SREK1IP1: variants seen among roughly 807,000 people sequenced by gnomAD.
SREK1IP1 encodes protein SREK1IP1.
A neutral mutation model predicts 22.8 loss-of-function variants in SREK1IP1; 12 were observed. The observed-to-expected ratio is 0.53, with a 90% CI of 0.34 to 0.85. The LOEUF (loss-of-function observed/expected upper bound fraction) is 0.85, where lower values mean the gene tolerates loss of function less well. Ranked by LOEUF, SREK1IP1 falls within the 40% of genes least tolerant of loss-of-function variation. The pLI is 0.02. For missense variants in SREK1IP1, 147 were observed against 171.8 expected (o/e 0.86, Z 0.81); for synonymous variants, 53 against 52.7 (o/e 1.01, Z -0.02).
intron 3 of SREK1IP1, among the ~76,000 whole-genome samples, chr5:64,739,117 T>C (rs925925191): frequency 1.3e-5 from 2 of 152,166 alleles, no homozygotes; most frequent in African/African-American, 4.8e-5. Context: ...TATTTTTAGC[T>C]CTGTGTTTGG....
At chr5:64,729,456 G>A (rs750674279) in intron 3 of SREK1IP1, among the ~76,000 whole-genome samples, 4 of 152,156 alleles carry the variant, frequency 2.6e-5, no homozygotes, top group African/African-American at 7.2e-5. Flanking sequence ...GAATAAGAAT[G>A]AACATGAATG....
At chr5:64,748,934 C>T (rs907198349) in intron 2 of SREK1IP1, among the ~76,000 whole-genome samples, 4 of 151,912 alleles carry the variant, frequency 2.6e-5, no homozygotes, top group Non-Finnish European at 5.9e-5. Flanking sequence ...ATCTTTCATG[C>T]AGTTAGTACA....
Position 64,719,177 on chromosome 5 carries a change from T to G in SREK1IP1, c.*5207A>C, listed in dbSNP as rs1742114469. On this transcript the variant is annotated 3_prime_UTR_variant, in exon 5 of 5. Coordinates refer to ENST00000513458, the MANE Select transcript of SREK1IP1 (RefSeq NM_173829.4). ...ACATGTGGCTACTGAACACTTAAGA[T>G]GTGGCTAATGCAACTGAAAAAATAA... 1 of 152,190 alleles carries G rather than the reference T, an allele frequency of 6.6e-6. No homozygotes were observed. Among genetic ancestry groups the G allele is most frequent in the Non-Finnish European group, 1.5e-5 (1 of 68,032 alleles). The allele number at this position is 152,190 out of a possible 1,614,324, so 9.4% of individuals were successfully genotyped here. A position where few individuals can be genotyped will look rare whatever the true frequency, so the allele number is the denominator to read the frequency against.
intron 1 of SREK1IP1, 87 bp downstream of exon 1, chr5:64,768,418 G>A (rs781409859): frequency 1.3e-6 from 2 of 1,571,088 alleles, no homozygotes; most frequent in African/African-American, 2.7e-5. Context: ...CCCCATGGGC[G>A]CTGCTCCGTA....
chr5:64,727,553 A>ATATATTTTTT, intron 4 of SREK1IP1: 1 of 84,716 alleles, frequency 1.2e-5, no homozygotes. Flanking sequence ...ATATATATAT[A>ATATATTTTTT]TTTTTTTTTT....
At chr5:64,726,295 G>A (rs1204939727) in intron 4 of SREK1IP1, among the ~76,000 whole-genome samples, 1 of 151,804 alleles carries the variant, frequency 6.6e-6, no homozygotes, top group Non-Finnish European at 1.5e-5. Context: ...TCAAGGTAAA[G>A]AGGCCCAAAT....
At chr5:64,750,753 A>G (rs937910298) in intron 2 of SREK1IP1, among the ~76,000 whole-genome samples, 13 of 152,148 alleles carry the variant, frequency 8.5e-5, no homozygotes, top group Non-Finnish European at 1.5e-4. Context: ...GAAAACATCT[A>G]TATCTATTCT....
chr5:64,757,137 T>C (rs1204690526), intron 1 of SREK1IP1, among the ~76,000 whole-genome samples: 4 of 152,246 alleles, frequency 2.6e-5, no homozygotes, highest in African/African-American at 7.2e-5. Flanking sequence ...AGGTGGGGCA[T>C]CATGGCGTAC....
intron 2 of SREK1IP1, among the ~76,000 whole-genome samples, chr5:64,742,012 C>T (rs11738362): frequency 0.06 from 9,076 of 150,108 alleles, 538 homozygotes; most frequent in East Asian, 0.31. Context: ...TCCTCTGAAG[C>T]AACTGCACTG....
At chr5:64,768,420 T>G (rs1743103024) in intron 1 of SREK1IP1, 85 bp downstream of exon 1, 1 of 1,576,744 alleles carries the variant, frequency 6.3e-7, no homozygotes, top group African/African-American at 1.3e-5. Flanking sequence ...CCATGGGCGC[T>G]GCTCCGTACA....
chr5:64,768,441 T>A, intron 1 of SREK1IP1, 64 bp downstream of exon 1: 5 of 1,559,554 alleles, frequency 3.2e-6, no homozygotes, highest in Non-Finnish European at 4.4e-6. Context: ...CGCCGCACCC[T>A]ACCCTACCCT....
At chr5:64,736,915 C>CTTTTTTTTTTTTTTTTTTTTT (rs563372606) in intron 3 of SREK1IP1, among the ~76,000 whole-genome samples, 2 of 131,308 alleles carry the variant, frequency 1.5e-5, no homozygotes, top group Non-Finnish European at 3.3e-5. Context: ...TGTCTCTCTT[C>CTTTTTTTTTTTTTTTTTTTTT]TTTTTTTTTT....
intron 1 of SREK1IP1, among the ~76,000 whole-genome samples, chr5:64,760,365 C>T (rs1742926258): frequency 6.6e-6 from 1 of 152,204 alleles, no homozygotes; most frequent in African/African-American, 2.4e-5. Flanking sequence ...CCAGAAAGAA[C>T]AGACAATAAC....
intron 2 of SREK1IP1, among the ~76,000 whole-genome samples, chr5:64,748,714 A>G (rs1054388840): frequency 6.6e-6 from 1 of 151,984 alleles, no homozygotes. Context: ...AATTTACACA[A>G]CTCTATGGGA....
intron 1 of SREK1IP1, 86 bp from the exon 2 acceptor site, chr5:64,754,448 A>G: frequency 7.5e-7 from 1 of 1,339,354 alleles, no homozygotes; most frequent in Non-Finnish European, 1.1e-6. Flanking sequence ...GCTAAGAAAA[A>G]CCATTTGTTA....
chr5:64,750,955 A>G (rs1382283367), intron 2 of SREK1IP1, among the ~76,000 whole-genome samples: 2 of 152,182 alleles, frequency 1.3e-5, no homozygotes, highest in Non-Finnish European at 2.9e-5. Flanking sequence ...TCCAGAAATT[A>G]CTCAATGTTT....
rs1184856824 is a variant in SREK1IP1, at chr5:64,724,544, T to C, written c.308A>G (p.Asp103Gly). Reference protein sequence around the residue: ...RSYSSSSTEEDTSKQKKQKYQ... With the variant: ...RSYSSSSTEEGTSKQKKQKYQ... ...TTTTTGTTTCTTTTGTTTTGAAGTG[T>C]CCTCTTCAGTGGAACTGGATGAGTA... Residue 103 changes from aspartate to glycine, a missense_variant, in exon 5 of 5, where the codon GAC becomes GGC. Physicochemically the swap from Asp to Gly is moderately conservative, Grantham distance 94. This residue lies in a region of SREK1IP1 where 82 missense variants were observed against 81.7 expected (regional missense o/e 1.00). Coordinates refer to ENST00000513458, the MANE Select transcript of SREK1IP1 (RefSeq NM_173829.4). 2.5e-6 allele frequency: 4 copies of C among 1,579,516 alleles called. No homozygotes were observed. Among genetic ancestry groups the C allele is most frequent in the Non-Finnish European group, 3.4e-6 (4 of 1,171,058 alleles).
rs193006889 is a variant in SREK1IP1 at position 64,761,323 on chromosome 5, T to C, written c.14-6961A>G. On this transcript the variant is annotated intron_variant, in intron 1 of 4. Coordinates refer to ENST00000513458, the MANE Select transcript of SREK1IP1 (RefSeq NM_173829.4). ...CTAAGAGGTGCTCAACAAATACTTA[T>C]TGATTTGAGGTTATAAGCTTAAGAA... Among the ~76,000 whole-genome samples the C allele has an allele frequency of 5.3e-5, 8 of 152,312 alleles. No homozygotes were observed. In the East Asian group the frequency reaches 1.5e-3, roughly 29 times the overall value.
intron 3 of SREK1IP1, among the ~76,000 whole-genome samples, chr5:64,734,789 TA>T (rs1320369023): frequency 2.6e-5 from 4 of 152,114 alleles, no homozygotes; most frequent in Admixed American, 6.5e-5. Context: ...TAAACTCAGT[TA>T]TTAGTTCTAG....
Sources: gnomAD v4.1 joint callset for allele counts (sites outside exome capture counted in the v4.1 genomes callset) on GRCh38, gnomAD v4.1.1 for gene constraint, gnomAD v4.1.1 regional missense constraint, MANE v1.5 for transcripts, NCBI Gene and HGNC (gene_info 2026-07-23, HGNC 2026-07-21) for gene names.